The following HEATR5A variants were observed in gnomAD, a reference collection of about 807,000 sequenced individuals.
HEATR5A encodes HEAT repeat-containing protein 5A.
Under a neutral mutation model 218.8 loss-of-function variants are expected in HEATR5A, and 178 were observed. That is an observed-to-expected ratio of 0.81 (90% CI 0.72 to 0.92). HEATR5A has a LOEUF of 0.92. Ranked by LOEUF, HEATR5A falls within the 40% of genes least tolerant of loss-of-function variation. The pLI, the probability that HEATR5A is intolerant of heterozygous loss-of-function variation, is 0.00. For missense variants in HEATR5A, 2,420 were observed against 2,418.9 expected (o/e 1.00, Z -0.01); for synonymous variants, 864 against 871.6 (o/e 0.99, Z 0.15).
At chr14:31,404,821 G>C (rs761944155) in intron 1 of HEATR5A, among the ~76,000 whole-genome samples, 1 of 152,030 alleles carries the variant, frequency 6.6e-6, no homozygotes, top group Non-Finnish European at 1.5e-5. Context: ...GACTGAGGTA[G>C]GAGGATCACT....
chr14:31,293,400 T>G lies in HEATR5A; in HGVS notation c.6046A>C (p.Asn2016His). Residue 2016 changes from asparagine to histidine, a missense_variant, in exon 36 of 36, where the codon AAT becomes CAT. By Grantham distance (68) the Asn-to-His change is moderately conservative. Transcript: ENST00000543095. ...KARLEAAIKGNQESVKVKIPT... is the reference protein window; with the variant it reads ...KARLEAAIKGHQESVKVKIPT... ...ATCTTGACTTTGACACTTTCCTGAT[T>G]GCCCTTTATAGCAGCCTCAAGGCGG... is the stretch of plus-strand genomic sequence containing the variant. The G allele has an allele frequency of 6.2e-7, 1 of 1,613,898 alleles. No homozygotes were observed. The highest frequency in any genetic ancestry group is 8.5e-7 in the Non-Finnish European group (1 of 1,179,772).
Position 31,293,932 on chromosome 14 carries a change from T to C in HEATR5A, c.5792A>G (p.Lys1931Arg). 1 of 1,607,104 alleles carries C rather than the reference T, an allele frequency of 6.2e-7. No individual in the cohort carries two copies. Among genetic ancestry groups the C allele is most frequent in the Non-Finnish European group, 8.5e-7 (1 of 1,176,482 alleles). Residue 1931 changes from lysine to arginine, a missense_variant, in exon 35 of 36, where the codon AAG (lysine) becomes AGG (arginine). Physicochemically the swap from Lys to Arg is conservative, Grantham distance 26. Coordinates refer to ENST00000543095, the MANE Select transcript of HEATR5A (RefSeq NM_015473.4). ...AELEIFQEGI[K>R]VLETLVTVAE... ...AACAGTAACCAGTGTTTCTAAGACCTTTATGCCTTCTTGGAAGATCTCAAG... is the reference window on the plus strand; with the variant it reads ...AACAGTAACCAGTGTTTCTAAGACCCTTATGCCTTCTTGGAAGATCTCAAG...
At chr14:31,405,162 G>A (rs1463373001) in intron 1 of HEATR5A, among the ~76,000 whole-genome samples, 1 of 151,668 alleles carries the variant, frequency 6.6e-6, no homozygotes, top group African/African-American at 2.4e-5. Flanking sequence ...GACCAGGTGT[G>A]GTGGCTCACA....
At position 31,293,275 on chromosome 14, in the gene HEATR5A, A is replaced by AT; in HGVS notation, c.*29dup. 6.6e-7 allele frequency: 1 copy of AT among 1,512,230 alleles called. No individual in the cohort carries two copies. Among genetic ancestry groups the AT allele is most frequent in the Non-Finnish European group, 8.9e-7 (1 of 1,118,780 alleles). 93.7% of individuals were successfully genotyped at this position (1,512,230 alleles called of 1,614,324 possible). A position where few individuals can be genotyped will look rare whatever the true frequency, so the allele number is the denominator to read the frequency against. On this transcript the variant is annotated 3_prime_UTR_variant, in exon 36 of 36. Coordinates refer to ENST00000543095, the MANE Select transcript of HEATR5A (RefSeq NM_015473.4). ...AAGGCAATGATCAAGTATTTATTATATTAAGGTGCTTACTATTCCAAAAAA... is the reference window on the plus strand; with the variant it reads ...AAGGCAATGATCAAGTATTTATTATATTTAAGGTGCTTACTATTCCAAAAAA...
chr14:31,403,085 G>A, intron 1 of HEATR5A, 36 bp from the exon 2 acceptor site: 104 of 965,888 alleles, frequency 1.1e-4, no homozygotes, highest in South Asian at 5.3e-4. Flanking sequence ...TTAAAAGGGG[G>A]GTAAAAAGGA....
intron 4 of HEATR5A, among the ~76,000 whole-genome samples, chr14:31,398,439 C>T (rs1294791850): frequency 1.3e-5 from 2 of 152,148 alleles, no homozygotes; most frequent in East Asian, 1.9e-4. Context: ...CGTTAGTTTT[C>T]GCCCGCTTGG....
At chr14:31,390,695 G>A (rs1287361086) in intron 6 of HEATR5A, among the ~76,000 whole-genome samples, 3 of 152,090 alleles carry the variant, frequency 2.0e-5, no homozygotes, top group Non-Finnish European at 1.5e-5. Context: ...TCACGTGTCT[G>A]TGGTGATGTT....
chr14:31,295,833 C>G (rs1436312852), intron 34 of HEATR5A, 76 bp downstream of exon 34: 3 of 1,251,744 alleles, frequency 2.4e-6, no homozygotes, highest in Non-Finnish European at 2.3e-6. Flanking sequence ...TTGGAGCCAA[C>G]AAAATCACAC....
intron 10 of HEATR5A, among the ~76,000 whole-genome samples, chr14:31,382,582 A>G (rs1487122975): frequency 1.3e-5 from 2 of 152,038 alleles, no homozygotes; most frequent in Non-Finnish European, 2.9e-5. Context: ...CCTATGTTGT[A>G]TTATCTAGGT....
intron 5 of HEATR5A, among the ~76,000 whole-genome samples, chr14:31,394,589 G>T (rs986519243): frequency 6.6e-6 from 1 of 152,092 alleles, no homozygotes; most frequent in Admixed American, 6.6e-5. Flanking sequence ...GCCAAGGCGG[G>T]CGGATCACGA....
rs61744641 is a variant in HEATR5A, at chr14:31,302,340, G to A, written c.5419C>T (p.Leu1807Phe). The change falls in exon 33 of 36, where the codon CTT becomes TTT. Residue 1807 changes from leucine to phenylalanine, a missense_variant. Coordinates refer to ENST00000543095, the MANE Select transcript of HEATR5A (RefSeq NM_015473.4). ...ATTGTTGTTAAGGCACTTCGGAGAA[G>A]GTCAGTCCAAGCAGTACGGCTCTTT... is the stretch of plus-strand genomic sequence containing the variant. ...AEKSRTAWTDLLRSALTTILD... is the reference protein window; with the variant it reads ...AEKSRTAWTDFLRSALTTILD... 1,652 of 1,604,320 alleles carry A rather than the reference G, an allele frequency of 1.0e-3. 13 individuals are homozygous for A. In the African/African-American group the frequency reaches 0.02, roughly 19 times the overall value.
chr14:31,305,008 T>G lies in HEATR5A; in HGVS notation c.5136A>C (p.Gly1712=). The G allele has an allele frequency of 6.2e-7, 1 of 1,613,994 alleles. No homozygotes were observed. Among genetic ancestry groups the G allele is most frequent in the Non-Finnish European group, 8.5e-7 (1 of 1,179,882 alleles). The change falls in exon 32 of 36, where the codon GGA becomes GGC. Residue 1712 remains glycine, a synonymous_variant. Coordinates refer to ENST00000543095, the MANE Select transcript of HEATR5A (RefSeq NM_015473.4). ...ELNPKLTGSP[G]VKATKPQILL... is the part of the protein sequence containing the mutation. ...GTATCTGTGGCTTCGTAGCTTTTAC[T>G]CCTGGGCTACCTGTCAATTTAGGGT...
At chr14:31,369,187 C>T (rs1417452046) in intron 13 of HEATR5A, among the ~76,000 whole-genome samples, 1 of 151,868 alleles carries the variant, frequency 6.6e-6, no homozygotes, top group Non-Finnish European at 1.5e-5. Context: ...GTTCCAGTTA[C>T]TTGGGAGGCT....
intron 23 of HEATR5A, among the ~76,000 whole-genome samples, chr14:31,325,368 C>T (rs1900230435): frequency 6.6e-6 from 1 of 151,918 alleles, no homozygotes; most frequent in Non-Finnish European, 1.5e-5. Context: ...TTGAAATTAA[C>T]ATTATTGTAT....
At chr14:31,359,839 A>G (rs1901559954) in intron 14 of HEATR5A, among the ~76,000 whole-genome samples, 1 of 151,374 alleles carries the variant, frequency 6.6e-6, no homozygotes, top group Non-Finnish European at 1.5e-5. Flanking sequence ...GCCTGCCCCT[A>G]TCCCTTCCAG....
chr14:31,344,886 G>C (rs184248529), intron 20 of HEATR5A, among the ~76,000 whole-genome samples: 115 of 152,260 alleles, frequency 7.6e-4, no homozygotes, highest in Non-Finnish European at 1.4e-3. Flanking sequence ...GTTAAGGAAG[G>C]CATCTTTAGG....
rs755675466 is a variant in HEATR5A at position 31,309,069 on chromosome 14, C to G, written c.4555G>C (p.Val1519Leu). Residue 1519 changes from valine (V) to leucine (L), a missense_variant, in exon 29 of 36, where the codon GTT becomes CTT. Physicochemically the swap from Val to Leu is conservative, Grantham distance 32. Coordinates refer to ENST00000543095, the MANE Select transcript of HEATR5A (RefSeq NM_015473.4). The stretch of plus-strand genomic sequence containing the variant: ...GATGCTCCTTCATCTGGGTCAGCAA[C>G]AACAAAACCCGTGCTTGTAAGCCAC... ...ALWLTSTGFVVADPDEGASNL... is the reference protein window; with the variant it reads ...ALWLTSTGFVLADPDEGASNL... 2 of 1,613,880 alleles carry G rather than the reference C, an allele frequency of 1.2e-6. No individual in the cohort carries two copies. Among genetic ancestry groups the G allele is most frequent in the Admixed American group, 3.3e-5 (2 of 60,006 alleles).
intron 16 of HEATR5A, among the ~76,000 whole-genome samples, chr14:31,351,508 G>GAAAAAAAA (rs71430949): frequency 1.5e-5 from 2 of 129,310 alleles, no homozygotes; most frequent in Non-Finnish European, 3.3e-5. Flanking sequence ...AAGAAAGAAA[G>GAAAAAAAA]AAAAAAAAAA....
At chr14:31,296,297 A>T in intron 33 of HEATR5A, 3 of 387,772 alleles carry the variant, frequency 7.7e-6, no homozygotes, top group Non-Finnish European at 1.4e-5. Flanking sequence ...GTAAATAAAT[A>T]CATACATTTA....
Sources: allele counts gnomAD v4.1 joint callset (sites outside exome capture counted in the v4.1 genomes callset), GRCh38; gene constraint gnomAD v4.1.1; transcripts MANE v1.5; gene names NCBI Gene and HGNC (gene_info 2026-07-23, HGNC 2026-07-21).